WWOX: variants seen among roughly 807,000 people sequenced by gnomAD.
The protein encoded by WWOX is WW domain-containing oxidoreductase.
In WWOX, 69 loss-of-function variants were observed where a neutral mutation model predicts 46.2. The ratio of observed to expected loss-of-function variants is 1.49; its 90% CI spans 1.23 to 1.82. WWOX has a LOEUF of 1.82. Ranked by LOEUF, WWOX falls within the 40% of genes most tolerant of loss-of-function variation. The pLI, the probability that WWOX is intolerant of heterozygous loss-of-function variation, is 0.00. For missense variants in WWOX, 919 were observed against 542.6 expected (o/e 1.69, Z -6.89); for synonymous variants, 359 against 202.6 (o/e 1.77, Z -6.56).
At chr16:79,030,228 T>C (rs2047725895) in intron 8 of WWOX, among the ~76,000 whole-genome samples, 1 of 152,230 alleles carries the variant, frequency 6.6e-6, no homozygotes, top group African/African-American at 2.4e-5. Flanking sequence ...TTTGTATTAC[T>C]TAGGAAAACT....
chr16:78,728,011 G>A (rs2142374111), intron 8 of WWOX, among the ~76,000 whole-genome samples: 1 of 146,172 alleles, frequency 6.8e-6, no homozygotes, highest in Middle Eastern at 3.7e-3. Flanking sequence ...CCTATTACAA[G>A]TGAACATAGA....
chr16:78,737,972 A>G (rs533410615), intron 8 of WWOX, among the ~76,000 whole-genome samples: 16 of 152,296 alleles, frequency 1.1e-4, no homozygotes, highest in African/African-American at 3.4e-4. Context: ...AAAGGCACCA[A>G]CATGAGTCCA....
chr16:79,115,765 AG>A (rs2049504256), intron 8 of WWOX, among the ~76,000 whole-genome samples: 1 of 152,194 alleles, frequency 6.6e-6, no homozygotes, highest in Non-Finnish European at 1.5e-5. Context: ...TCAAGTTACA[AG>A]AAAAACACTT....
chr16:78,951,755 G>C (rs528254477), intron 8 of WWOX, among the ~76,000 whole-genome samples: 3 of 152,232 alleles, frequency 2.0e-5, no homozygotes, highest in East Asian at 1.9e-4. Flanking sequence ...GGGTGAGAGA[G>C]AGCCACATAC....
intron 8 of WWOX, among the ~76,000 whole-genome samples, chr16:78,568,092 G>A (rs956260090): frequency 2.6e-5 from 4 of 152,172 alleles, no homozygotes; most frequent in Non-Finnish European, 5.9e-5. Context: ...GAAGAACGCC[G>A]TCGTAAAAAT....
At chr16:78,794,101 G>A (rs543760635) in intron 8 of WWOX, among the ~76,000 whole-genome samples, 4 of 152,198 alleles carry the variant, frequency 2.6e-5, no homozygotes, top group East Asian at 3.9e-4. Flanking sequence ...TCTTTTGGGA[G>A]ATGATTTGGA....
At chr16:79,118,602 G>A (rs919204301) in intron 8 of WWOX, among the ~76,000 whole-genome samples, 16 of 152,056 alleles carry the variant, frequency 1.1e-4, no homozygotes, top group African/African-American at 3.6e-4. Context: ...ATAAAATGAG[G>A]TATGCCGATA....
intron 8 of WWOX, among the ~76,000 whole-genome samples, chr16:78,589,425 G>A (rs537736401): frequency 5.9e-4 from 90 of 152,188 alleles, no homozygotes; most frequent in Non-Finnish European, 1.1e-3. Flanking sequence ...GTCTTGAAGG[G>A]GGCTGATGCC....
chr16:78,839,782 A>C (rs1462171103), intron 8 of WWOX, among the ~76,000 whole-genome samples: 2 of 152,164 alleles, frequency 1.3e-5, no homozygotes, highest in Non-Finnish European at 2.9e-5. Context: ...GGAATGGGTT[A>C]GGAGAAGGCT....
chr16:78,506,255 G>C (rs1405230158), intron 8 of WWOX, among the ~76,000 whole-genome samples: 1 of 152,226 alleles, frequency 6.6e-6, no homozygotes, highest in African/African-American at 2.4e-5. Flanking sequence ...TCCTGGCCAA[G>C]AGTCCAAGCG....
chr16:78,175,000 A>AATAATAATAATAATC (rs2035287227), intron 5 of WWOX, among the ~76,000 whole-genome samples: 1 of 132,218 alleles, frequency 7.6e-6, no homozygotes, highest in South Asian at 2.2e-4. Context: ...AAATAATAGT[A>AATAATAATAATAATC]ATAATAATAA....
intron 8 of WWOX, chr16:78,825,702 T>C (rs1178141075): frequency 5.5e-6 from 3 of 549,678 alleles, no homozygotes; most frequent in Non-Finnish European, 1.1e-5. Context: ...TGGGAGACTC[T>C]GAGGACAGAG....
chr16:78,211,612 GA>G (rs1442122471), intron 5 of WWOX, among the ~76,000 whole-genome samples: 12 of 152,132 alleles, frequency 7.9e-5, no homozygotes, highest in Middle Eastern at 3.2e-3. Flanking sequence ...TGGAAATATA[GA>G]AAAAAGAGGC....
rs75497984 is a variant in WWOX, at chr16:78,618,893, C to T, written c.1056+186141C>T. Among the ~76,000 whole-genome samples the T allele has an allele frequency of 7.9e-5, 12 of 151,486 alleles. No homozygotes were observed. The South Asian group carries it at 2.3e-3, about 29-fold the overall frequency. On this transcript the variant is annotated intron_variant, in intron 8 of 8. Transcript: ENST00000566780. ...CTTGGATGTGCCCAGCATGGATCTT[C>T]TCCAAGTAGGAGGCCTTGGAGTCAG...
intron 5 of WWOX, among the ~76,000 whole-genome samples, chr16:78,308,591 C>A (rs1597463718): frequency 6.6e-6 from 1 of 152,208 alleles, no homozygotes; most frequent in East Asian, 1.9e-4. Flanking sequence ...CGAAATGGCC[C>A]TGCAAAGCTG....
At position 78,995,782 on chromosome 16, in the gene WWOX, T is replaced by C. The variant is rs138039437; in HGVS notation, c.1057-215826T>C. 1.3e-3 allele frequency among the ~76,000 whole-genome samples: 199 copies of C among 152,286 alleles called. 4 individuals carry two copies. The highest frequency in any genetic ancestry group is 4.4e-3 in the African/African-American group (182 of 41,568). ...GAACCCTGCAATTTACTGTCTTTTA[T>C]ATGCAAATTGAAAGGGGCATCATTG... On this transcript the variant is annotated intron_variant, in intron 8 of 8. Transcript: ENST00000566780.
Position 78,572,136 on chromosome 16 carries a change from C to T in WWOX, c.1056+139384C>T, listed in dbSNP as rs377429598. The stretch of plus-strand genomic sequence containing the variant: ...GAAAAGCTCAGGAATGTTTCTGGTG[C>T]ATAATTTGTGATAGCAAGAACCTGA... On this transcript the variant is annotated intron_variant, in intron 8 of 8. Transcript: ENST00000566780. Among the ~76,000 whole-genome samples the T allele has an allele frequency of 9.2e-5, 14 of 152,248 alleles. No individual in the cohort carries two copies. The East Asian group carries it at 1.7e-3, about 19-fold the overall frequency.
chr16:78,227,477 A>G (rs1486970938), intron 5 of WWOX, among the ~76,000 whole-genome samples: 1 of 152,188 alleles, frequency 6.6e-6, no homozygotes, highest in Admixed American at 6.5e-5. Context: ...CTTTTCTTGC[A>G]TACTGTATAC....
chr16:78,897,417 C>G (rs754601842), intron 8 of WWOX: 10 of 152,080 alleles, frequency 6.6e-5, no homozygotes, highest in Non-Finnish European at 1.5e-4. Context: ...TAATAGAAAT[C>G]ATACCTACTG....
Sources: allele counts gnomAD v4.1 joint callset (sites outside exome capture counted in the v4.1 genomes callset), GRCh38; gene constraint gnomAD v4.1.1; transcripts MANE v1.5; gene names NCBI Gene and HGNC (gene_info 2026-07-23, HGNC 2026-07-21).